RNASEH2A: variants seen among roughly 807,000 people sequenced by gnomAD.
RNASEH2A encodes the protein ribonuclease H2 subunit A.
RNASEH2A carries 30 observed loss-of-function variants against 32.7 expected under a neutral mutation model. The ratio of observed to expected loss-of-function variants is 0.92; its 90% CI spans 0.69 to 1.25. RNASEH2A has a LOEUF of 1.25. Among genes scored for constraint, RNASEH2A ranks in the 50% most tolerant of loss-of-function variants. The pLI, the probability that RNASEH2A is intolerant of heterozygous loss-of-function variation, is 0.00. For missense variants in RNASEH2A, 409 were observed against 398.1 expected (o/e 1.03, Z -0.23); for synonymous variants, 147 against 165.4 (o/e 0.89, Z 0.86).
intron 4 of RNASEH2A, chr19:12,807,767 A>C: frequency 2.2e-6 from 1 of 457,888 alleles, no homozygotes; most frequent in Non-Finnish European, 4.1e-6. Flanking sequence ...CCCCGTCTCT[A>C]CTAAAAATAC....
chr19:12,807,922 A>C, intron 4 of RNASEH2A: 1 of 240,354 alleles, frequency 4.2e-6, no homozygotes, highest in Non-Finnish European at 8.3e-6. Flanking sequence ...ACAGAGCAAG[A>C]CCCTGTCTCA....
intron 2 of RNASEH2A, 47 bp from the exon 3 acceptor site, chr19:12,807,159 A>G: frequency 6.2e-7 from 1 of 1,614,098 alleles, no homozygotes; most frequent in Non-Finnish European, 8.5e-7. Context: ...GGAGGGCAGG[A>G]ACTGGGAGAA....
Position 12,810,377 on chromosome 19 carries a change from A to G in RNASEH2A, c.610A>G (p.Thr204Ala), listed in dbSNP as rs1568387860. The G allele has an allele frequency of 1.2e-6, 2 of 1,614,152 alleles. No individual in the cohort carries two copies. The highest frequency in any genetic ancestry group is 1.7e-6 in the Non-Finnish European group (2 of 1,180,028). ...QFVEKLQDLDTDYGSGYPNDP... is the reference protein window; with the variant it reads ...QFVEKLQDLDADYGSGYPNDP... Reference sequence around the variant, plus strand: ...CGTGGAGAAACTGCAGGACTTGGATACTGATTATGGCTCAGGCTACCCCAA... The same window carrying G: ...CGTGGAGAAACTGCAGGACTTGGATGCTGATTATGGCTCAGGCTACCCCAA... Residue 204 changes from threonine to alanine, a missense_variant, in exon 6 of 8, where the codon ACT becomes GCT. Transcript: ENST00000221486.
intron 4 of RNASEH2A, among the ~76,000 whole-genome samples, chr19:12,808,909 G>A (rs1056287404): frequency 1.3e-5 from 2 of 151,664 alleles, no homozygotes; most frequent in Admixed American, 6.6e-5. Context: ...GCAACATAGC[G>A]AGACTCCATC....
At position 12,813,396 on chromosome 19, in the gene RNASEH2A, C is replaced by T. The variant is rs1568388845; in HGVS notation, c.830C>T (p.Ser277Phe). 2 of 1,614,150 alleles carry T rather than the reference C, an allele frequency of 1.2e-6. No individual in the cohort carries two copies. The highest frequency in any genetic ancestry group is 1.6e-4 in the Middle Eastern group (1 of 6,062). Residue 277 changes from serine to phenylalanine, a missense_variant, in exon 8 of 8, where the codon TCC becomes TTC. Ser to Phe is a radical substitution (Grantham distance 155). Coordinates refer to ENST00000221486, the MANE Select transcript of RNASEH2A (RefSeq NM_006397.3). ...ACATCCTACTTCCTCAATGAAGGGT[C>T]CCAAGCCCGTCCCCGTTCTTCCCAC... is the stretch of plus-strand genomic sequence containing the variant. ...KITSYFLNEG[S>F]QARPRSSHRY...
chr19:12,806,910 TA>T, intron 1 of RNASEH2A, 97 bp from the exon 2 acceptor site: 1 of 1,599,692 alleles, frequency 6.3e-7, no homozygotes, highest in Non-Finnish European at 8.5e-7. Context: ...TGATGGCACC[TA>T]AAGAAGCAGT....
intron 7 of RNASEH2A, 23 bp downstream of exon 7, chr19:12,813,229 G>A (rs1254169721): frequency 4.3e-6 from 7 of 1,613,950 alleles, no homozygotes; most frequent in Non-Finnish European, 5.9e-6. Flanking sequence ...GATGTCCTGG[G>A]GGTGCTATAG....
rs144494263 is a variant in RNASEH2A, at chr19:12,813,192, G to T, written c.747G>T (p.Ala249=). ...RTAQTILEKE[A]EDVIWEDSAS... ...CCCAGACCATCCTGGAGAAAGAGGC[G>T]GAAGATGTTATATGGTGGGTGTCAT... The change falls in exon 7 of 8, where the codon GCG becomes GCT. Residue 249 remains alanine, a synonymous_variant. Coordinates refer to ENST00000221486, the MANE Select transcript of RNASEH2A (RefSeq NM_006397.3). 24 of 1,613,934 alleles carry T rather than the reference G, an allele frequency of 1.5e-5. No individual in the cohort carries two copies. The South Asian group carries it at 1.5e-4, about 10-fold the overall frequency.
Position 12,807,493 on chromosome 19 carries a change from T to A in RNASEH2A, c.398T>A (p.Val133Glu). 6.2e-7 allele frequency: 1 copy of A among 1,614,000 alleles called. No individual in the cohort carries two copies. Residue 133 changes from valine (V) to glutamate (E), a missense_variant, in exon 4 of 8, where the codon GTG (valine) becomes GAG (glutamate). Physicochemically the swap from Val to Glu is moderately radical, Grantham distance 121. Transcript: ENST00000221486. ...GLIQYALDQGVNVTQVFVDTV... is the reference protein window; with the variant it reads ...GLIQYALDQGENVTQVFVDTV... Reference sequence around the variant, plus strand: ...ATACAGTATGCATTGGACCAGGGCGTGAACGTCACCCAGGTGAGTTAACTG... The same window carrying A: ...ATACAGTATGCATTGGACCAGGGCGAGAACGTCACCCAGGTGAGTTAACTG...
intron 1 of RNASEH2A, 43 bp downstream of exon 1, chr19:12,806,843 G>A (rs1423309574): frequency 6.3e-7 from 1 of 1,593,444 alleles, no homozygotes; most frequent in Non-Finnish European, 8.5e-7. Context: ...TGGTACGGAG[G>A]ATGCGGGAAA....
At chr19:12,806,885 G>A (rs528247835) in intron 1 of RNASEH2A, 85 bp downstream of exon 1, 229 of 1,597,032 alleles carry the variant, frequency 1.4e-4, no homozygotes, top group Non-Finnish European at 1.9e-4. Flanking sequence ...ACCAAGGGAG[G>A]GGATGTGGTC....
At position 12,807,201 on chromosome 19, in the gene RNASEH2A, C is replaced by T; in HGVS notation, c.200-5C>T. On this transcript the variant is annotated splice_polypyrimidine_tract_variant and splice_region_variant and intron_variant, in intron 2 of 7. Coordinates refer to ENST00000221486, the MANE Select transcript of RNASEH2A (RefSeq NM_006397.3). ...GTTCCCCTTCTCTTCCAAACCTCCT[C>T]CCAGACTCAAAGACCCTATTGGAGA... 1 of 1,614,094 alleles carries T rather than the reference C, an allele frequency of 6.2e-7. No homozygotes were observed. The highest frequency in any genetic ancestry group is 8.5e-7 in the Non-Finnish European group (1 of 1,179,988).
At chr19:12,807,931 C>G (rs1969019714) in intron 4 of RNASEH2A, 1 of 217,190 alleles carries the variant, frequency 4.6e-6, no homozygotes, top group African/African-American at 2.3e-5. Flanking sequence ...GACCCTGTCT[C>G]AAAAAAATAA....
chr19:12,809,372 C>A (rs1969040538), intron 4 of RNASEH2A, among the ~76,000 whole-genome samples: 1 of 152,186 alleles, frequency 6.6e-6, no homozygotes, highest in African/African-American at 2.4e-5. Context: ...ATGCATGGGC[C>A]CAGCATCATG....
rs1968995123 is a variant in RNASEH2A at position 12,806,718 on chromosome 19, C to A, written c.45C>A (p.Arg15=). The change falls in exon 1 of 8, where the codon CGC becomes CGA. Residue 15 remains arginine (R), a synonymous_variant. Coordinates refer to ENST00000221486, the MANE Select transcript of RNASEH2A (RefSeq NM_006397.3). ...ELERDNTGRC[R]LSSPVPAVCR... is the part of the protein sequence containing the mutation. ...AGAGAGACAATACAGGCCGCTGTCG[C>A]CTGAGTTCGCCTGTGCCCGCGGTGT... 1 of 1,568,194 alleles carries A rather than the reference C, an allele frequency of 6.4e-7. No individual in the cohort carries two copies. The highest frequency in any genetic ancestry group is 8.6e-7 in the Non-Finnish European group (1 of 1,156,422).
chr19:12,807,554 G>A (rs2145825233), intron 4 of RNASEH2A, 48 bp downstream of exon 4: 4 of 1,499,758 alleles, frequency 2.7e-6, no homozygotes, highest in Non-Finnish European at 2.8e-6. Flanking sequence ...AGGATAAAAT[G>A]GGGACAAAAC....
Position 12,807,248 on chromosome 19 carries a change from C to A in RNASEH2A, c.242C>A (p.Ala81Glu), listed in dbSNP as rs1236937852. The change falls in exon 3 of 8, where the codon GCG becomes GAG. Residue 81 changes from alanine (A) to glutamate (E), a missense_variant. Transcript: ENST00000221486. Reference protein sequence around the residue: ...LLESERERLFAKMEDTDFVGW... With the variant: ...LLESERERLFEKMEDTDFVGW... ...GAGAGCGAGCGGGAAAGGCTGTTTG[C>A]GAAAATGGAGGACACGGACTTTGTC... 6.2e-7 allele frequency: 1 copy of A among 1,614,146 alleles called. No homozygotes were observed. The highest frequency in any genetic ancestry group is 1.1e-5 in the South Asian group (1 of 91,084).
At chr19:12,808,284 ATG>A (rs143117001) in intron 4 of RNASEH2A, among the ~76,000 whole-genome samples, 189 of 152,218 alleles carry the variant, frequency 1.2e-3, no homozygotes, top group African/African-American at 4.3e-3. Flanking sequence ...GTGGGCAAAA[ATG>A]TGCAGTGTGC....
At chr19:12,806,880 G>C in intron 1 of RNASEH2A, 80 bp downstream of exon 1, 1 of 1,597,474 alleles carries the variant, frequency 6.3e-7, no homozygotes, top group Non-Finnish European at 8.5e-7. Flanking sequence ...ACTGCACCAA[G>C]GGAGGGGATG....
Sources: gnomAD v4.1 joint callset for allele counts (sites outside exome capture counted in the v4.1 genomes callset) on GRCh38, gnomAD v4.1.1 for gene constraint, MANE v1.5 for transcripts, NCBI Gene and HGNC (gene_info 2026-07-23, HGNC 2026-07-21) for gene names.